The following KLHL1 variants were observed in gnomAD, a reference collection of about 807,000 sequenced individuals.
KLHL1 encodes the protein kelch like family member 1, also known as kelch-like protein 1.
KLHL1 carries 47 observed loss-of-function variants against 77.7 expected under a neutral mutation model. The observed-to-expected ratio is 0.60, with a 90% CI of 0.48 to 0.77. KLHL1 has a LOEUF of 0.77. Among genes scored for constraint, KLHL1 ranks in the 30% least tolerant of loss-of-function variants. KLHL1 has a pLI of 0.00. For missense variants in KLHL1, 925 were observed against 910.8 expected (o/e 1.02, Z -0.20); for synonymous variants, 360 against 325.2 (o/e 1.11, Z -1.15).
At chr13:70,022,155 G>A (rs1885815484) in intron 1 of KLHL1, among the ~76,000 whole-genome samples, 1 of 151,846 alleles carries the variant, frequency 6.6e-6, no homozygotes, top group Non-Finnish European at 1.5e-5. Flanking sequence ...AATTTTGGGG[G>A]AGGGTATAAG....
chr13:69,958,772 A>G (rs913392657), intron 3 of KLHL1, among the ~76,000 whole-genome samples: 1 of 151,548 alleles, frequency 6.6e-6, no homozygotes, highest in African/African-American at 2.4e-5. Flanking sequence ...AAATGGCTGG[A>G]CTTTTACATC....
chr13:69,775,414 T>G (rs1221048281), intron 7 of KLHL1, among the ~76,000 whole-genome samples: 1 of 152,164 alleles, frequency 6.6e-6, no homozygotes, highest in African/African-American at 2.4e-5. Context: ...TGTCAATACC[T>G]TTCAATTTAT....
intron 1 of KLHL1, among the ~76,000 whole-genome samples, chr13:70,008,195 A>T (rs2137334010): frequency 6.6e-6 from 1 of 152,174 alleles, no homozygotes; most frequent in East Asian, 1.9e-4. Context: ...CTTGTAAGGA[A>T]AATCAGGTTG....
intron 2 of KLHL1, among the ~76,000 whole-genome samples, chr13:69,966,602 T>A (rs1163728226): frequency 6.6e-6 from 1 of 152,120 alleles, no homozygotes; most frequent in Non-Finnish European, 1.5e-5. Flanking sequence ...ATTTCATTTC[T>A]TTTCTTTTTT....
intron 8 of KLHL1, among the ~76,000 whole-genome samples, chr13:69,730,068 G>A (rs1429919787): frequency 1.3e-5 from 2 of 152,088 alleles, no homozygotes; most frequent in Non-Finnish European, 2.9e-5. Context: ...AGACAATTTA[G>A]TCATAACAAC....
intron 10 of KLHL1, among the ~76,000 whole-genome samples, chr13:69,704,399 T>A (rs1875535351): frequency 6.6e-6 from 1 of 151,732 alleles, no homozygotes; most frequent in Non-Finnish European, 1.5e-5. Flanking sequence ...TTACATAATG[T>A]AAACCACATC....
intron 4 of KLHL1, chr13:69,895,131 A>G (rs769230754): frequency 2.2e-5 from 10 of 463,756 alleles, no homozygotes; most frequent in Non-Finnish European, 3.4e-5. Context: ...TGTTCCTTAT[A>G]TATAATGAAT....
At chr13:69,959,351 A>G (rs1161481878) in intron 3 of KLHL1, among the ~76,000 whole-genome samples, 1 of 151,954 alleles carries the variant, frequency 6.6e-6, no homozygotes, top group Non-Finnish European at 1.5e-5. Context: ...TGTTAGCTTC[A>G]TGATTCTTCC....
At chr13:69,722,837 GA>G (rs772660666) in intron 8 of KLHL1, among the ~76,000 whole-genome samples, 65 of 151,934 alleles carry the variant, frequency 4.3e-4, no homozygotes, top group Non-Finnish European at 8.7e-4. Context: ...CAAAGGAAAT[GA>G]AACCAGTATA....
intron 1 of KLHL1, among the ~76,000 whole-genome samples, chr13:70,005,573 G>C (rs1274404416): frequency 2.0e-5 from 3 of 151,482 alleles, no homozygotes; most frequent in Non-Finnish European, 2.9e-5. Context: ...GTAGCCAAAA[G>C]ATTAGAAATC....
chr13:69,884,965 G>A (rs1264174277), intron 4 of KLHL1, among the ~76,000 whole-genome samples: 3 of 117,488 alleles, frequency 2.6e-5, no homozygotes, highest in Non-Finnish European at 4.9e-5. Flanking sequence ...ACGGAGTCTC[G>A]CTCTGTCGCC....
intron 4 of KLHL1, among the ~76,000 whole-genome samples, chr13:69,932,066 G>A (rs117544024): frequency 0.034 from 5,117 of 151,430 alleles, 109 homozygotes; most frequent in Non-Finnish European, 0.049. Flanking sequence ...ATTAATATGC[G>A]AAAGTACTTA....
chr13:69,720,175 G>C (rs192450692), intron 8 of KLHL1, among the ~76,000 whole-genome samples: 1 of 152,206 alleles, frequency 6.6e-6, no homozygotes, highest in East Asian at 1.9e-4. Context: ...GAAAATTGCT[G>C]AAGTTTACTT....
intron 10 of KLHL1, among the ~76,000 whole-genome samples, chr13:69,703,102 A>G (rs1485324225): frequency 6.6e-6 from 1 of 151,698 alleles, no homozygotes; most frequent in Non-Finnish European, 1.5e-5. Flanking sequence ...AGCATTTACA[A>G]AATACAGTCA....
chr13:69,926,135 A>G (rs950836797), intron 4 of KLHL1, among the ~76,000 whole-genome samples: 2 of 152,186 alleles, frequency 1.3e-5, no homozygotes, highest in African/African-American at 4.8e-5. Context: ...AACTTTAATC[A>G]TCACAGCTGT....
intron 1 of KLHL1, among the ~76,000 whole-genome samples, chr13:70,032,231 G>C (rs532914793): frequency 2.6e-5 from 4 of 152,288 alleles, no homozygotes; most frequent in African/African-American, 9.6e-5. Flanking sequence ...AAAAAGACTT[G>C]ATGGGAGATA....
chr13:70,050,209 A>T (rs2137390934), intron 1 of KLHL1, among the ~76,000 whole-genome samples: 1 of 151,986 alleles, frequency 6.6e-6, no homozygotes, highest in South Asian at 2.1e-4. Flanking sequence ...ATATGTCATC[A>T]AAAGGAAACC....
intron 4 of KLHL1, among the ~76,000 whole-genome samples, chr13:69,896,872 C>T (rs1309756121): frequency 6.6e-6 from 1 of 151,880 alleles, no homozygotes; most frequent in East Asian, 1.9e-4. Flanking sequence ...GGGGTTTCAC[C>T]ATATTGGCCA....
chr13:70,005,917 G>A (rs997177173), intron 1 of KLHL1, among the ~76,000 whole-genome samples: 3 of 151,886 alleles, frequency 2.0e-5, no homozygotes, highest in African/African-American at 4.8e-5. Flanking sequence ...GCTCATTATT[G>A]TATTAACTAT....
Sources: gnomAD v4.1 joint callset for allele counts (sites outside exome capture counted in the v4.1 genomes callset) on GRCh38, gnomAD v4.1.1 for gene constraint, MANE v1.5 for transcripts, NCBI Gene and HGNC (gene_info 2026-07-23, HGNC 2026-07-21) for gene names.